The following LRFN5 variants were observed in gnomAD, a reference collection of about 807,000 sequenced individuals.
LRFN5 encodes leucine rich repeat and fibronectin type III domain containing 5.
Under a neutral mutation model 45.6 loss-of-function variants are expected in LRFN5, and 24 were observed. The observed-to-expected ratio is 0.53, with a 90% CI of 0.38 to 0.74. The LOEUF is 0.74. Ranked by LOEUF, LRFN5 falls within the 30% of genes least tolerant of loss-of-function variation. LRFN5 has a pLI of 0.00. For synonymous variants in LRFN5, 340 were observed against 313.8 expected (o/e 1.08, Z -0.88); for missense variants, 776 against 861.5 (o/e 0.90, Z 1.24).
In LRFN5 at chr14:41,888,025, G is replaced by A; in HGVS notation, c.1385+15G>A. The stretch of plus-strand genomic sequence containing the variant: ...CTTGTTTACAGGTAAGAAAAATTGA[G>A]CAAATTTGTATACTTACCATGCATC... On this transcript the variant is annotated intron_variant, in intron 3 of 5. Coordinates refer to ENST00000298119, the MANE Select transcript of LRFN5 (RefSeq NM_152447.5). 6.4e-7 allele frequency: 1 copy of A among 1,563,486 alleles called. No individual in the cohort carries two copies. Among genetic ancestry groups the A allele is most frequent in the Non-Finnish European group, 8.7e-7 (1 of 1,154,526 alleles).
chr14:41,878,320 A>T (rs529325094), intron 2 of LRFN5, among the ~76,000 whole-genome samples: 140 of 152,294 alleles, frequency 9.2e-4, no homozygotes, highest in African/African-American at 3.0e-3. Flanking sequence ...CTACTGAATG[A>T]TGGCAAAGTA....
intron 1 of LRFN5, among the ~76,000 whole-genome samples, chr14:41,710,326 A>G (rs1224459856): frequency 1.3e-5 from 2 of 152,038 alleles, no homozygotes; most frequent in African/African-American, 4.8e-5. Flanking sequence ...TTAGTGGCAT[A>G]CTCTTGCATC....
At position 41,823,419 on chromosome 14, in the gene LRFN5, G is replaced by T. The variant is rs912983149; in HGVS notation, c.-21+56390G>T. Among the ~76,000 whole-genome samples the T allele has an allele frequency of 3.7e-5, 3 of 80,212 alleles. No homozygotes were observed. The Admixed American group carries it at 3.9e-4, about 10-fold the overall frequency. The allele number at this position is 80,212 out of a possible 152,430, so 52.6% of individuals were successfully genotyped here. A position where few individuals can be genotyped will look rare whatever the true frequency, so the allele number is the denominator to read the frequency against. ...AGTTTAGAAGGATACAAAATTCTTG[G>T]CTTATCTATATCTATATCTATATTT... is the stretch of plus-strand genomic sequence containing the variant. On this transcript the variant is annotated intron_variant, in intron 2 of 5. Transcript: ENST00000298119.
intron 2 of LRFN5, among the ~76,000 whole-genome samples, chr14:41,802,744 T>C (rs1454880916): frequency 1.3e-5 from 2 of 152,150 alleles, no homozygotes; most frequent in Admixed American, 1.3e-4. Context: ...GGATTTTTTT[T>C]TCCTTTTCTG....
chr14:41,805,422 A>ATTTAT (rs200137734), intron 2 of LRFN5, among the ~76,000 whole-genome samples: 29 of 141,314 alleles, frequency 2.1e-4, no homozygotes, highest in African/African-American at 7.4e-4. Flanking sequence ...TTATTTATTT[A>ATTTAT]TTATTATTAT....
At chr14:41,763,560 G>A (rs184549409) in intron 1 of LRFN5, among the ~76,000 whole-genome samples, 60 of 152,236 alleles carry the variant, frequency 3.9e-4, no homozygotes, top group Admixed American at 3.3e-4. Flanking sequence ...CCCATGTGTC[G>A]TGTCGTGGGA....
chr14:41,642,703 C>T (rs1297988660), intron 1 of LRFN5, among the ~76,000 whole-genome samples: 1 of 152,196 alleles, frequency 6.6e-6, no homozygotes, highest in East Asian at 1.9e-4. Context: ...CATGGATTGA[C>T]AGAAAGGCAA....
At chr14:41,898,817 T>C in intron 4 of LRFN5, 100 bp from the exon 5 acceptor site, 1 of 1,082,938 alleles carries the variant, frequency 9.2e-7, no homozygotes, top group Non-Finnish European at 1.4e-6. Context: ...CTTTGTTAAT[T>C]CTTGATATGA....
intron 2 of LRFN5, among the ~76,000 whole-genome samples, chr14:41,820,189 G>A (rs1476569098): frequency 3.9e-5 from 5 of 128,554 alleles, no homozygotes; most frequent in African/African-American, 9.4e-5. Context: ...AATTATTTTC[G>A]TAGGCCAAAT....
chr14:41,790,500 C>G (rs1382640274), intron 2 of LRFN5, among the ~76,000 whole-genome samples: 1 of 151,000 alleles, frequency 6.6e-6, no homozygotes, highest in Non-Finnish European at 1.5e-5. Context: ...ATGTTTTTTT[C>G]CTAACTATGG....
intron 2 of LRFN5, among the ~76,000 whole-genome samples, chr14:41,797,573 T>C (rs1035607530): frequency 1.6e-4 from 24 of 151,664 alleles, no homozygotes; most frequent in African/African-American, 5.8e-4. Context: ...AAATTAGTAT[T>C]TTTTCTCTGC....
chr14:41,896,040 G>T (rs1245117566), intron 4 of LRFN5, among the ~76,000 whole-genome samples: 3 of 151,588 alleles, frequency 2.0e-5, no homozygotes, highest in Non-Finnish European at 4.4e-5. Flanking sequence ...TTGTATTTTT[G>T]AAAAGAAAAT....
chr14:41,762,837 A>G (rs2138872878), intron 1 of LRFN5, among the ~76,000 whole-genome samples: 1 of 152,244 alleles, frequency 6.6e-6, no homozygotes, highest in Middle Eastern at 3.4e-3. Flanking sequence ...TGGTTTTTGC[A>G]TCATGTAGGC....
intron 1 of LRFN5, among the ~76,000 whole-genome samples, chr14:41,741,074 AAC>A (rs147091502): frequency 0.17 from 25,265 of 150,454 alleles, 2,319 homozygotes; most frequent in Admixed American, 0.22. Flanking sequence ...GAAGTTGAAA[AAC>A]ACACAATATA....
At position 41,737,704 on chromosome 14, in the gene LRFN5, A is replaced by G. The variant is rs1566644911; in HGVS notation, c.-196-29150A>G. Among the ~76,000 whole-genome samples the G allele has an allele frequency of 2.6e-5, 4 of 152,174 alleles. No individual in the cohort carries two copies. In the South Asian group the frequency reaches 6.2e-4, roughly 24 times the overall value. On this transcript the variant is annotated intron_variant, in intron 1 of 5. Coordinates refer to ENST00000298119, the MANE Select transcript of LRFN5 (RefSeq NM_152447.5). ...AAATCACAAGCATTCCTATGCACCA[A>G]TAATAGACAAACAGCCAAATCATGA...
At chr14:41,826,950 A>G (rs1465517344) in intron 2 of LRFN5, among the ~76,000 whole-genome samples, 1 of 151,520 alleles carries the variant, frequency 6.6e-6, no homozygotes, top group Non-Finnish European at 1.5e-5. Flanking sequence ...GATTCACAAA[A>G]TAAGTAATTA....
chr14:41,845,282 C>G (rs1434646574), intron 2 of LRFN5, among the ~76,000 whole-genome samples: 1 of 152,038 alleles, frequency 6.6e-6, no homozygotes, highest in Non-Finnish European at 1.5e-5. Flanking sequence ...GAAAAGGAGG[C>G]AACCAGACAG....
chr14:41,901,464 G>A (rs1024142570), intron 5 of LRFN5, among the ~76,000 whole-genome samples: 1 of 143,682 alleles, frequency 7.0e-6, no homozygotes, highest in Non-Finnish European at 1.5e-5. Flanking sequence ...GTGTGTGTGT[G>A]TGTAGCTTTG....
chr14:41,794,993 G>A (rs1372523750), intron 2 of LRFN5, among the ~76,000 whole-genome samples: 1 of 147,222 alleles, frequency 6.8e-6, no homozygotes, highest in Admixed American at 7.0e-5. Context: ...TATGCATGCT[G>A]TATATTCTAA....
Sources: gnomAD v4.1 joint callset for allele counts (sites outside exome capture counted in the v4.1 genomes callset) on GRCh38, gnomAD v4.1.1 for gene constraint, MANE v1.5 for transcripts, NCBI Gene and HGNC (gene_info 2026-07-23, HGNC 2026-07-21) for gene names.